WDR97: variants seen among roughly 807,000 people sequenced by gnomAD.
WDR97 encodes WD repeat domain 97.
A neutral mutation model predicts 65.4 loss-of-function variants in WDR97; 111 were observed. The ratio of observed to expected loss-of-function variants is 1.70; its 90% CI spans 1.45 to 1.99. WDR97 has a LOEUF of 1.99. Among genes scored for constraint, WDR97 ranks in the 30% most tolerant of loss-of-function variants. The pLI is 0.00. For synonymous variants in WDR97, 802 were observed against 397.7 expected (o/e 2.02, Z -12.10); for missense variants, 1,674 against 865.0 (o/e 1.94, Z -11.73).
At chr8:144,112,412 G>T (rs1836569670) in intron 14 of WDR97, 35 bp from the exon 15 acceptor site, 1 of 702,646 alleles carries the variant, frequency 1.4e-6, no homozygotes, top group Non-Finnish European at 2.6e-6. Context: ...GGTGCTAGGG[G>T]CTGTGTTGTT....
At position 144,115,962 on chromosome 8, in the gene WDR97, C is replaced by T; in HGVS notation, c.4615C>T (p.Leu1539=). The T allele has an allele frequency of 1.4e-6, 1 of 701,124 alleles. No homozygotes were observed. Among genetic ancestry groups the T allele is most frequent in the East Asian group, 2.7e-5 (1 of 37,244 alleles). The allele number at this position is 701,124 out of a possible 1,614,324, so 43.4% of individuals were successfully genotyped here. Residue 1539 remains leucine, a synonymous_variant, in exon 23 of 24, where the codon CTG becomes TTG. Transcript: ENST00000323662. Reference sequence around the variant, plus strand: ...CTCCAGGTACCACCCCATCCTCCGGCTGCAGGAGGCCAAGCCGCAGAGGTC... The same window carrying T: ...CTCCAGGTACCACCCCATCCTCCGGTTGCAGGAGGCCAAGCCGCAGAGGTC... ...REHWYHPILR[L]QEAKPQRSAR...
rs143058405 is a variant in WDR97, at chr8:144,114,206, A to C, written c.3594+44A>C. On this transcript the variant is annotated intron_variant, in intron 18 of 23. Coordinates refer to ENST00000323662, the MANE Select transcript of WDR97 (RefSeq NM_001316309.2). ...TGCATGAGAAGCATGGGTTAGGGTG[A>C]GGGACAGGGGAGAAGGTAGGGGCTG... 1.0e-3 allele frequency: 709 copies of C among 697,522 alleles called. 4 individuals carry two copies. The African/African-American group carries it at 0.011, about 11-fold the overall frequency. The allele number at this position is 697,522 out of a possible 1,614,324, so 43.2% of individuals were successfully genotyped here.
rs978128618 is a variant in WDR97 at position 144,112,095 on chromosome 8, C to T, written c.2846C>T (p.Thr949Ile). 9 of 702,844 alleles carry T rather than the reference C, an allele frequency of 1.3e-5. No individual in the cohort carries two copies. In the African/African-American group the frequency reaches 1.4e-4, roughly 11 times the overall value. 43.5% of individuals were successfully genotyped at this position (702,844 alleles called of 1,614,324 possible). The change falls in exon 13 of 24, where the codon ACA becomes ATA. Residue 949 changes from threonine to isoleucine, a missense_variant. Thr to Ile is a moderately conservative substitution (Grantham distance 89). Coordinates refer to ENST00000323662, the MANE Select transcript of WDR97 (RefSeq NM_001316309.2). The part of the protein sequence containing the change: ...GQHFSQSPRV[T>I]VPIPPTHRRV... ...CACTTCTCCCAGTCTCCCCGAGTCACAGTGCCGATCCCACCCACCCACCGT... is the reference window on the plus strand; with the variant it reads ...CACTTCTCCCAGTCTCCCCGAGTCATAGTGCCGATCCCACCCACCCACCGT...
Position 144,112,378 on chromosome 8 carries a change from C to G in WDR97, c.3021+29C>G, listed in dbSNP as rs372179552. ...AGGGACCCAGGCAGGTGGGGTACCA[C>G]CTACTGAGGGGCAGAGCTGCCGGGG... On this transcript the variant is annotated intron_variant, in intron 14 of 23. Coordinates refer to ENST00000323662, the MANE Select transcript of WDR97 (RefSeq NM_001316309.2). The G allele has an allele frequency of 4.6e-4, 322 of 702,524 alleles. 2 individuals are homozygous for G. The African/African-American group carries it at 5.0e-3, about 11-fold the overall frequency. 43.5% of individuals were successfully genotyped at this position (702,524 alleles called of 1,614,324 possible).
chr8:144,109,094 G>A lies in WDR97; in HGVS notation c.924G>A (p.Val308=). 2 of 703,140 alleles carry A rather than the reference G, an allele frequency of 2.8e-6. No homozygotes were observed. Among genetic ancestry groups the A allele is most frequent in the Middle Eastern group, 2.3e-4 (1 of 4,372 alleles). The allele number at this position is 703,140 out of a possible 1,614,324, so 43.6% of individuals were successfully genotyped here. ...LAYCEEVEAM[V]TASRDSTVKV... is the part of the protein sequence containing the mutation. The stretch of plus-strand genomic sequence containing the variant: ...ACTGCGAGGAAGTAGAGGCAATGGT[G>A]ACAGCTTCCCGGGACAGCACCGTGA... Residue 308 remains valine (V), a synonymous_variant, in exon 4 of 24, where the codon GTG becomes GTA. Coordinates refer to ENST00000323662, the MANE Select transcript of WDR97 (RefSeq NM_001316309.2).
chr8:144,109,828 G>T lies in WDR97; in HGVS notation c.1494G>T (p.Leu498=). 1 of 687,562 alleles carries T rather than the reference G, an allele frequency of 1.5e-6. No individual in the cohort carries two copies. Among genetic ancestry groups the T allele is most frequent in the Middle Eastern group, 2.7e-4 (1 of 3,674 alleles). The allele number at this position is 687,562 out of a possible 1,614,324, so 42.6% of individuals were successfully genotyped here. The change falls in exon 5 of 24, where the codon CTG becomes CTT. Residue 498 remains leucine, a synonymous_variant. Coordinates refer to ENST00000323662, the MANE Select transcript of WDR97 (RefSeq NM_001316309.2). ...ALWLLTRAGH[L]VRANAARCPM... is the part of the protein sequence containing the mutation. The stretch of plus-strand genomic sequence containing the variant: ...GGCTGCTGACCAGGGCTGGGCACCT[G>T]GTCCGCGCCAACGCGGCGCGCTGCC...
Position 144,111,122 on chromosome 8 carries a change from G to A in WDR97, c.2326G>A (p.Asp776Asn). 1.4e-6 allele frequency: 1 copy of A among 702,778 alleles called. No homozygotes were observed. Among genetic ancestry groups the A allele is most frequent in the Non-Finnish European group, 2.6e-6 (1 of 384,992 alleles). 43.5% of individuals were successfully genotyped at this position (702,778 alleles called of 1,614,324 possible). Residue 776 changes from aspartate (D) to asparagine (N), a missense_variant, in exon 10 of 24, where the codon GAC becomes AAC. Coordinates refer to ENST00000323662, the MANE Select transcript of WDR97 (RefSeq NM_001316309.2). ...LVKKMCRKAP[D>N]VVDDPPLPLM... is the part of the protein sequence containing the mutation. ...TCAGAAGATGTGCCGGAAGGCCCCA[G>A]ACGTGGTGGACGACCCTCCGCTGCC...
chr8:144,112,685 C>T (rs1304515168), intron 15 of WDR97, 155 bp downstream of exon 15: 1 of 627,970 alleles, frequency 1.6e-6, no homozygotes, highest in South Asian at 1.8e-5. Context: ...CTCCCACGCA[C>T]CCCTCACCCC....
Position 144,114,466 on chromosome 8 carries a change from C to G in WDR97, c.3783C>G (p.Pro1261=), listed in dbSNP as rs1305706507. The change falls in exon 19 of 24, where the codon CCC becomes CCG. Residue 1261 remains proline (P), a synonymous_variant. Coordinates refer to ENST00000323662, the MANE Select transcript of WDR97 (RefSeq NM_001316309.2). ...LVHLLNLDQP[P]SLQDQTQKKF... Reference sequence around the variant, plus strand: ...ACTTGCTCAACCTGGACCAGCCCCCCAGCCTCCAGGTGTGCCCCTTGTCCT... The same window carrying G: ...ACTTGCTCAACCTGGACCAGCCCCCGAGCCTCCAGGTGTGCCCCTTGTCCT... The G allele has an allele frequency of 1.4e-6, 1 of 702,692 alleles. No homozygotes were observed. Among genetic ancestry groups the G allele is most frequent in the African/African-American group, 1.7e-5 (1 of 57,354 alleles). 43.5% of individuals were successfully genotyped at this position (702,692 alleles called of 1,614,324 possible). A position where few individuals can be genotyped will look rare whatever the true frequency, so the allele number is the denominator to read the frequency against.
intron 22 of WDR97, 32 bp downstream of exon 22, chr8:144,115,890 T>C (rs1039830572): frequency 2.9e-6 from 2 of 698,480 alleles, no homozygotes; most frequent in Non-Finnish European, 5.2e-6. Flanking sequence ...GGGGCCTGCG[T>C]GGGGCAGCCA....
At position 144,114,541 on chromosome 8, in the gene WDR97, C is replaced by T. The variant is rs1354536596; in HGVS notation, c.3793-13C>T. 2.8e-6 allele frequency: 2 copies of T among 702,696 alleles called. No individual in the cohort carries two copies. Among genetic ancestry groups the T allele is most frequent in the Non-Finnish European group, 5.2e-6 (2 of 384,972 alleles). 43.5% of individuals were successfully genotyped at this position (702,696 alleles called of 1,614,324 possible). On this transcript the variant is annotated splice_polypyrimidine_tract_variant and intron_variant, in intron 19 of 23. Coordinates refer to ENST00000323662, the MANE Select transcript of WDR97 (RefSeq NM_001316309.2). ...CCGGCCCTCAGCAACCACATCCCCACCGCCTGCCTCAGGACCAGACACAGA... is the reference window on the plus strand; with the variant it reads ...CCGGCCCTCAGCAACCACATCCCCATCGCCTGCCTCAGGACCAGACACAGA...
At chr8:144,114,501 T>A (rs1440507381) in intron 19 of WDR97, 26 bp downstream of exon 19, 3 of 701,318 alleles carry the variant, frequency 4.3e-6, no homozygotes, top group Non-Finnish European at 2.6e-6. Context: ...TGCCCCCAGT[T>A]TTCCTCCCCG....
intron 1 of WDR97, 75 bp from the exon 2 acceptor site, chr8:144,107,984 A>C: frequency 1.4e-6 from 1 of 701,358 alleles, no homozygotes; most frequent in Non-Finnish European, 2.6e-6. Context: ...GGGCCCCTGG[A>C]GGAGGGCTCC....
rs768384110 is a variant in WDR97 at position 144,108,146 on chromosome 8, G to A, written c.200G>A (p.Arg67His). The A allele has an allele frequency of 2.8e-6, 2 of 702,404 alleles. No individual in the cohort carries two copies. Among genetic ancestry groups the A allele is most frequent in the Non-Finnish European group, 5.2e-6 (2 of 384,836 alleles). 43.5% of individuals were successfully genotyped at this position (702,404 alleles called of 1,614,324 possible). A position where few individuals can be genotyped will look rare whatever the true frequency, so the allele number is the denominator to read the frequency against. The change falls in exon 2 of 24, where the codon CGC becomes CAC. Residue 67 changes from arginine to histidine, a missense_variant. Coordinates refer to ENST00000323662, the MANE Select transcript of WDR97 (RefSeq NM_001316309.2). The part of the protein sequence containing the change: ...WQSLTPRARA[R>H]RLWLLLRTSL... ...AGCCTGACCCCGCGCGCCCGCGCCC[G>A]CCGGCTGTGGCTGCTTCTGCGCACC...
chr8:144,111,279 G>A (rs1836543413), intron 10 of WDR97, 57 bp downstream of exon 10: 2 of 702,566 alleles, frequency 2.8e-6, no homozygotes, highest in Admixed American at 4.0e-5. Flanking sequence ...CTCTGGGTGG[G>A]GGCCTGGCGG....
rs1564321338 is a variant in WDR97, at chr8:144,111,098, CAGA to C, written c.2306_2308del (p.Lys769del). The C allele has an allele frequency of 4.3e-6, 3 of 702,854 alleles. No individual in the cohort carries two copies. The highest frequency in any genetic ancestry group is 2.7e-5 in the East Asian group (1 of 37,278). The allele number at this position is 702,854 out of a possible 1,614,324, so 43.5% of individuals were successfully genotyped here. ...AGGGATACAGGCTCCTTCCCCTATT[CAGA>C]AGATGTGCCGGAAGGCCCCAGACGT... On this transcript the variant is annotated splice_acceptor_variant and coding_sequence_variant, in exon 10 of 24. Coordinates refer to ENST00000323662, the MANE Select transcript of WDR97 (RefSeq NM_001316309.2). LOFTEE classifies it high-confidence loss of function.
In WDR97 at chr8:144,116,285, T is replaced by C; in HGVS notation, c.4861T>C (p.Tyr1621His). ...GCCAGCGGACGCGGACCCTGACACC[T>C]ACAGCTGACCGGACTGGTGGCCTCA... is the stretch of plus-strand genomic sequence containing the variant. Reference protein sequence around the residue: ...FLPADADPDTYS With the variant: ...FLPADADPDTHS The change falls in exon 24 of 24, where the codon TAC becomes CAC. Residue 1621 changes from tyrosine (Y) to histidine (H), a missense_variant. Physicochemically the swap from Tyr to His is moderately conservative, Grantham distance 83 (BLOSUM62 2). Coordinates refer to ENST00000323662, the MANE Select transcript of WDR97 (RefSeq NM_001316309.2). 4.7e-6 allele frequency: 3 copies of C among 633,614 alleles called. No individual in the cohort carries two copies. The highest frequency in any genetic ancestry group is 8.6e-6 in the Non-Finnish European group (3 of 349,212). 39.2% of individuals were successfully genotyped at this position (633,614 alleles called of 1,614,324 possible). A position where few individuals can be genotyped will look rare whatever the true frequency, so the allele number is the denominator to read the frequency against.
Position 144,111,867 on chromosome 8 carries a change from C to T in WDR97, c.2638-20C>T, listed in dbSNP as rs1434702332. The T allele has an allele frequency of 4.4e-6, 3 of 675,590 alleles. No homozygotes were observed. In the African/African-American group the frequency reaches 5.3e-5, roughly 12 times the overall value. 41.8% of individuals were successfully genotyped at this position (675,590 alleles called of 1,614,324 possible). On this transcript the variant is annotated intron_variant, in intron 12 of 23. Coordinates refer to ENST00000323662, the MANE Select transcript of WDR97 (RefSeq NM_001316309.2). ...TCCCACCTGGTCTCTGATGGTCTGT[C>T]TGCTCCTGCTACCTCCCAGGGCATG... is the stretch of plus-strand genomic sequence containing the variant.
chr8:144,113,980 G>A lies in WDR97; in HGVS notation c.3412G>A (p.Ala1138Thr), dbSNP rs757330208. ...LDSWELEDQS[A>T]VDWTQEPRRR... ...GCAGCCACTGCTGCTCCCCTAGAGT[G>A]CTGTGGACTGGACCCAGGAGCCCCG... The change falls in exon 18 of 24, where the codon GCT (alanine) becomes ACT (threonine). Residue 1138 changes from alanine to threonine, a missense_variant. By Grantham distance (58) the Ala-to-Thr change is moderately conservative. Transcript: ENST00000323662. The A allele has an allele frequency of 1.4e-6, 1 of 702,580 alleles. No individual in the cohort carries two copies. Among genetic ancestry groups the A allele is most frequent in the South Asian group, 1.5e-5 (1 of 67,542 alleles). 43.5% of individuals were successfully genotyped at this position (702,580 alleles called of 1,614,324 possible). A position where few individuals can be genotyped will look rare whatever the true frequency, so the allele number is the denominator to read the frequency against.
Sources: allele counts gnomAD v4.1 joint callset, GRCh38; gene constraint gnomAD v4.1.1; transcripts MANE v1.5; gene names NCBI Gene and HGNC (gene_info 2026-07-23, HGNC 2026-07-21).